The following CHRM3 variants were observed in gnomAD, a reference collection of about 807,000 sequenced individuals.
The protein encoded by CHRM3 is cholinergic receptor muscarinic 3.
A neutral mutation model predicts 41.8 loss-of-function variants in CHRM3; 11 were observed. The observed-to-expected ratio is 0.26, with a 90% confidence interval of 0.17 to 0.44. The LOEUF is 0.44. Among genes scored for constraint, CHRM3 ranks in the 20% least tolerant of loss-of-function variants. The pLI is 1.00. For missense variants in CHRM3, 571 were observed against 745.4 expected, an observed-to-expected ratio of 0.77 and a Z score of 2.72; for synonymous variants, 297 against 301.4, an observed-to-expected ratio of 0.99 and a Z score of 0.15.
chr1:239,633,933 T>C (rs1357116501), intron 4 of CHRM3, among the ~76,000 whole-genome samples: 9 of 152,232 alleles, frequency 5.9e-5, no homozygotes, highest in Admixed American at 4.6e-4. Context: ...CATATCTGGA[T>C]ATCATGCTGG....
intron 3 of CHRM3, among the ~76,000 whole-genome samples, chr1:239,577,442 CT>C: frequency 6.6e-6 from 1 of 152,250 alleles, no homozygotes; most frequent in Middle Eastern, 3.4e-3. Context: ...GTTCTCATAT[CT>C]GAGACAAGAA....
At chr1:239,452,901 C>A (rs1011237360) in intron 1 of CHRM3, among the ~76,000 whole-genome samples, 3 of 152,008 alleles carry the variant, frequency 2.0e-5, no homozygotes, top group African/African-American at 7.2e-5. Flanking sequence ...CCCGGGTTCA[C>A]GCCATTCTCC....
chr1:239,417,192 G>A (rs2103076885), intron 1 of CHRM3, among the ~76,000 whole-genome samples: 1 of 152,326 alleles, frequency 6.6e-6, no homozygotes, highest in Admixed American at 6.5e-5. Flanking sequence ...CTGTGAATAT[G>A]CGTTGCTCAC....
chr1:239,622,061 C>T (rs1230652378), intron 3 of CHRM3, among the ~76,000 whole-genome samples: 1 of 152,096 alleles, frequency 6.6e-6, no homozygotes, highest in Non-Finnish European at 1.5e-5. Context: ...ATCTACTTTG[C>T]CTGTGCTCTA....
At chr1:239,394,531 G>A (rs919768715) in intron 1 of CHRM3, among the ~76,000 whole-genome samples, 2 of 152,164 alleles carry the variant, frequency 1.3e-5, no homozygotes, top group East Asian at 3.9e-4. Context: ...TGGGGATTAG[G>A]AGGTGGGCAC....
intron 1 of CHRM3, among the ~76,000 whole-genome samples, chr1:239,433,916 A>G (rs1467992178): frequency 6.6e-6 from 1 of 152,162 alleles, no homozygotes; most frequent in Non-Finnish European, 1.5e-5. Context: ...TTTTGCTGCT[A>G]TAAACATGCA....
chr1:239,398,136 T>G (rs916056917), intron 1 of CHRM3, among the ~76,000 whole-genome samples: 1 of 152,300 alleles, frequency 6.6e-6, no homozygotes, highest in African/African-American at 2.4e-5. Flanking sequence ...CTGTATCTTA[T>G]GAAGAAGAAA....
intron 5 of CHRM3, among the ~76,000 whole-genome samples, chr1:239,763,634 T>C (rs969467497): frequency 3.3e-5 from 5 of 152,184 alleles, no homozygotes; most frequent in Non-Finnish European, 5.9e-5. Flanking sequence ...GTCTGTAATC[T>C]GGAGATCTGC....
intron 5 of CHRM3, among the ~76,000 whole-genome samples, chr1:239,688,474 T>C (rs1418936474): frequency 7.1e-6 from 1 of 141,768 alleles, no homozygotes; most frequent in Non-Finnish European, 1.5e-5. Context: ...ATATATTATA[T>C]ATTATTCAAT....
intron 3 of CHRM3, among the ~76,000 whole-genome samples, chr1:239,589,594 C>T (rs1663853250): frequency 7.0e-6 from 1 of 143,756 alleles, no homozygotes; most frequent in South Asian, 2.2e-4. Flanking sequence ...TTGCAATTAG[C>T]ACCTATATAT....
intron 6 of CHRM3, among the ~76,000 whole-genome samples, chr1:239,859,379 A>G (rs558226243): frequency 6.9e-6 from 1 of 145,272 alleles, no homozygotes; most frequent in East Asian, 2.1e-4. Flanking sequence ...GCATCTTTTT[A>G]TGGATTTGTT....
rs555513244 is a variant in CHRM3 at position 239,389,886 on chromosome 1, T to C, written c.-521+2659T>C. Among the ~76,000 whole-genome samples, 62 of 152,254 alleles carry C rather than the reference T, an allele frequency of 4.1e-4. 1 individual carries two copies. The South Asian group carries it at 0.013, about 31-fold the overall frequency. On this transcript the variant is annotated intron_variant, in intron 1 of 6. Transcript: ENST00000676153. Reference sequence around the variant, plus strand: ...GGTCTTGTTTGCAGTGCCGGGAAGTTTATACTGGGAACAGCTGTGGTGTAG... The same window carrying C: ...GGTCTTGTTTGCAGTGCCGGGAAGTCTATACTGGGAACAGCTGTGGTGTAG...
chr1:239,904,133 A>G (rs1399004728), intron 6 of CHRM3, among the ~76,000 whole-genome samples: 2 of 152,208 alleles, frequency 1.3e-5, no homozygotes, highest in Non-Finnish European at 2.9e-5. Context: ...CCCATGGGAC[A>G]TGAAAGCAGA....
At chr1:239,522,925 A>G (rs1447944324) in intron 2 of CHRM3, among the ~76,000 whole-genome samples, 1 of 152,018 alleles carries the variant, frequency 6.6e-6, no homozygotes. Context: ...TAGTATTACT[A>G]CTCATGTCCA....
chr1:239,716,148 T>C (rs543257042), intron 5 of CHRM3, among the ~76,000 whole-genome samples: 1 of 152,164 alleles, frequency 6.6e-6, no homozygotes, highest in East Asian at 1.9e-4. Context: ...TGATAGGCTA[T>C]GATGTCTAGG....
chr1:239,729,751 A>C (rs1395835264), intron 5 of CHRM3, among the ~76,000 whole-genome samples: 2 of 150,776 alleles, frequency 1.3e-5, no homozygotes, highest in Non-Finnish European at 2.9e-5. Flanking sequence ...GTGATGTTAC[A>C]AATCATGCAT....
At chr1:239,544,598 A>G (rs1431939360) in intron 2 of CHRM3, among the ~76,000 whole-genome samples, 1 of 152,228 alleles carries the variant, frequency 6.6e-6, no homozygotes. Flanking sequence ...TTGACAAAAC[A>G]AAAGTGTGAA....
intron 5 of CHRM3, among the ~76,000 whole-genome samples, chr1:239,813,013 C>T (rs1671235350): frequency 6.6e-6 from 1 of 152,218 alleles, no homozygotes; most frequent in African/African-American, 2.4e-5. Flanking sequence ...GCCACAGTGG[C>T]TCATGCCTGT....
At chr1:239,666,705 G>T (rs1673843088) in intron 4 of CHRM3, among the ~76,000 whole-genome samples, 1 of 151,976 alleles carries the variant, frequency 6.6e-6, no homozygotes, top group Non-Finnish European at 1.5e-5. Context: ...AGATTCGGGG[G>T]TACATATCAG....
Sources: gnomAD v4.1 joint callset for allele counts (sites outside exome capture counted in the v4.1 genomes callset) on GRCh38, gnomAD v4.1.1 for gene constraint, MANE v1.5 for transcripts, NCBI Gene and HGNC (gene_info 2026-07-23, HGNC 2026-07-21) for gene names.